Variants in RASA3 observed in about 807,000 individuals in gnomAD.
RASA3 encodes the protein RAS p21 protein activator 3, also known as ras GTPase-activating protein 3.
A neutral mutation model predicts 110.0 loss-of-function variants in RASA3; 73 were observed. The ratio of observed to expected loss-of-function variants is 0.66; its 90% CI spans 0.55 to 0.81. RASA3 has a LOEUF of 0.81. RASA3 is among the 30% of genes least tolerant of loss of function. The pLI, the probability that RASA3 is intolerant of heterozygous loss-of-function variation, is 0.00. For synonymous variants in RASA3, 500 were observed against 451.4 expected, an observed-to-expected ratio of 1.11 and a Z score of -1.37; for missense variants, 976 against 1,113.2, an observed-to-expected ratio of 0.88 and a Z score of 1.75.
chr13:114,064,826 G>GC (rs1566543711), intron 2 of RASA3, among the ~76,000 whole-genome samples: 2 of 152,338 alleles, frequency 1.3e-5, no homozygotes, highest in African/African-American at 2.4e-5. Context: ...GGCCCAGGCG[G>GC]CCCCCACTCA....
chr13:114,108,654 C>G (rs1157739591), intron 1 of RASA3: 2 of 152,080 alleles, frequency 1.3e-5, no homozygotes, highest in Non-Finnish European at 2.9e-5. Context: ...GTGTGCACAG[C>G]TTCTGAGTCA....
chr13:114,065,972 A>G lies in RASA3; in HGVS notation c.173+7748T>C, dbSNP rs1338037065. 2.0e-5 allele frequency among the ~76,000 whole-genome samples: 3 copies of G among 151,950 alleles called. No individual in the cohort carries two copies. The highest frequency in any genetic ancestry group is 4.4e-5 in the Non-Finnish European group (3 of 67,972). On this transcript the variant is annotated intron_variant, in intron 2 of 23. Coordinates refer to ENST00000334062, the MANE Select transcript of RASA3 (RefSeq NM_007368.4). This position sits in a 1 kb window ranked among gnomAD's most constrained non-coding sequence, Gnocchi z 4.1. ...ACAGCTGCAGCGGCCGTGGTGAGCCACCTCACCTCCCCGAGCCTCAGTCTC... is the reference window on the plus strand; with the variant it reads ...ACAGCTGCAGCGGCCGTGGTGAGCCGCCTCACCTCCCCGAGCCTCAGTCTC...
At chr13:114,064,289 C>T (rs2079409519) in intron 2 of RASA3, among the ~76,000 whole-genome samples, 1 of 152,206 alleles carries the variant, frequency 6.6e-6, no homozygotes, top group Non-Finnish European at 1.5e-5. Flanking sequence ...CCCATGTCCT[C>T]CCAGCCCCAC....
At chr13:114,027,304 C>G in intron 7 of RASA3, 85 bp downstream of exon 7, 1 of 1,177,588 alleles carries the variant, frequency 8.5e-7, no homozygotes. Context: ...AGGGAAGAGA[C>G]TGAGATCATT....
chr13:114,100,408 A>G (rs1375944054), intron 1 of RASA3, among the ~76,000 whole-genome samples: 2 of 152,204 alleles, frequency 1.3e-5, no homozygotes, highest in Admixed American at 6.5e-5. Context: ...CCGCCTGCAA[A>G]GCACTTGGTC....
Position 114,096,008 on chromosome 13 carries a change from C to T in RASA3, c.56-22171G>A, listed in dbSNP as rs2079937521. ...CAAGCTAATCAACGTTAATTTTTCA[C>T]ACAACGACTGGGAAAATCTGCCTAC... On this transcript the variant is annotated intron_variant, in intron 1 of 23. Coordinates refer to ENST00000334062, the MANE Select transcript of RASA3 (RefSeq NM_007368.4). The surrounding 1 kb of genome is among the most constrained non-coding windows in gnomAD (Gnocchi z 5.1). Among the ~76,000 whole-genome samples, 2 of 152,230 alleles carry T rather than the reference C, an allele frequency of 1.3e-5. No homozygotes were observed. The highest frequency in any genetic ancestry group is 4.8e-5 in the African/African-American group (2 of 41,450).
intron 4 of RASA3, among the ~76,000 whole-genome samples, chr13:114,038,990 G>A (rs1370323238): frequency 6.6e-6 from 1 of 152,214 alleles, no homozygotes; most frequent in African/African-American, 2.4e-5. Flanking sequence ...ACCAATTTAC[G>A]ATGCGCCAGG....
intron 13 of RASA3, 87 bp downstream of exon 13, chr13:114,016,110 C>T (rs937710025): frequency 1.4e-5 from 17 of 1,225,214 alleles, no homozygotes; most frequent in Middle Eastern, 1.9e-4. Context: ...ACCGGGGTCA[C>T]GGGGTGAGTC....
chr13:114,083,092 T>C (rs1220472748), intron 1 of RASA3, among the ~76,000 whole-genome samples: 2 of 152,240 alleles, frequency 1.3e-5, no homozygotes, highest in Non-Finnish European at 2.9e-5. Flanking sequence ...ATACAAATTA[T>C]ATTAAGCTGA....
At chr13:114,098,697 G>A (rs1185895756) in intron 1 of RASA3, among the ~76,000 whole-genome samples, 2 of 152,126 alleles carry the variant, frequency 1.3e-5, no homozygotes, top group African/African-American at 4.8e-5. Context: ...GACCAGCCCA[G>A]ACCCAGGGAA....
intron 1 of RASA3, among the ~76,000 whole-genome samples, chr13:114,123,047 A>G (rs2139793833): frequency 6.6e-6 from 1 of 152,326 alleles, no homozygotes. Context: ...CACCCTGGAC[A>G]CACCTTCGGT....
intron 18 of RASA3, among the ~76,000 whole-genome samples, chr13:114,005,076 G>A (rs954428509): frequency 1.3e-5 from 2 of 152,188 alleles, no homozygotes; most frequent in African/African-American, 2.4e-5. Flanking sequence ...ACGGAGGGGC[G>A]GGGCGCTCTG....
chr13:113,989,822 C>T (rs1463510653), intron 22 of RASA3, among the ~76,000 whole-genome samples: 1 of 152,226 alleles, frequency 6.6e-6, no homozygotes, highest in African/African-American at 2.4e-5. Flanking sequence ...CTGTGCCAGG[C>T]CCAGGAAGGT....
chr13:113,993,950 G>C (rs1010236899), intron 21 of RASA3, among the ~76,000 whole-genome samples: 2 of 152,176 alleles, frequency 1.3e-5, no homozygotes, highest in Admixed American at 1.3e-4. Context: ...GGCCTGATAG[G>C]AACGCGCGGG....
rs755738975 is a variant in RASA3 at position 114,000,835 on chromosome 13, T to C, written c.1840A>G (p.Lys614Glu). Reference protein sequence around the residue: ...RLTNHEFTYHKSKGDQPLYSI... With the variant: ...RLTNHEFTYHESKGDQPLYSI... ...CGACCTTGCTCCTTACCTTTGCTTT[T>C]GTGGTAGGTAAATTCATGGTTGGTC... is the stretch of plus-strand genomic sequence containing the variant. The change falls in exon 19 of 24, where the codon AAA becomes GAA. Residue 614 changes from lysine (K) to glutamate (E), a missense_variant. Transcript: ENST00000334062. The C allele has an allele frequency of 1.2e-6, 2 of 1,608,910 alleles. No homozygotes were observed. Among genetic ancestry groups the C allele is most frequent in the Non-Finnish European group, 1.7e-6 (2 of 1,175,322 alleles).
At chr13:114,027,805 C>G (rs762368130) in intron 6 of RASA3, 42 bp downstream of exon 6, 10 of 1,585,322 alleles carry the variant, frequency 6.3e-6, no homozygotes, top group South Asian at 5.5e-5. Flanking sequence ...GACCCTAGCC[C>G]CCCAGGACCA....
chr13:114,022,732 G>A (rs923953577), intron 8 of RASA3, among the ~76,000 whole-genome samples: 3 of 152,242 alleles, frequency 2.0e-5, no homozygotes, highest in Non-Finnish European at 2.9e-5. Context: ...AGGCGCATTT[G>A]CCTTTAATAA....
At chr13:113,981,883 C>G (rs1210415035) in intron 22 of RASA3, 25 bp from the exon 23 acceptor site, 1 of 1,604,202 alleles carries the variant, frequency 6.2e-7, no homozygotes, top group African/African-American at 1.3e-5. Context: ...GGGGTCAGCG[C>G]AGGGCAGGAG....
chr13:114,045,662 C>G (rs2079042125), intron 3 of RASA3, among the ~76,000 whole-genome samples: 1 of 150,688 alleles, frequency 6.6e-6, no homozygotes, highest in South Asian at 2.1e-4. Flanking sequence ...GCTAATAGAA[C>G]TAATTGGTGT....
Sources: allele counts gnomAD v4.1 joint callset (sites outside exome capture counted in the v4.1 genomes callset), GRCh38; gene constraint gnomAD v4.1.1; non-coding constraint Gnocchi (gnomAD v3.1); transcripts MANE v1.5; gene names NCBI Gene and HGNC (gene_info 2026-07-23, HGNC 2026-07-21).